Variants in GPHN observed in about 807,000 individuals in gnomAD.
The protein encoded by GPHN is gephyrin.
GPHN carries 17 observed loss-of-function variants against 95.5 expected under a neutral mutation model. The ratio of observed to expected loss-of-function variants is 0.18; its 90% CI spans 0.12 to 0.27. The LOEUF is 0.27. GPHN is among the 10% of genes least tolerant of loss of function. The pLI is 1.00. For missense variants in GPHN, 660 were observed against 978.1 expected (o/e 0.67, Z 4.34); for synonymous variants, 320 against 322.5 (o/e 0.99, Z 0.08).
Position 66,880,045 on chromosome 14 carries a change from A to G in GPHN, c.389+12A>G. 6.6e-7 allele frequency: 1 copy of G among 1,515,630 alleles called. No individual in the cohort carries two copies. Among genetic ancestry groups the G allele is most frequent in the Middle Eastern group, 1.7e-4 (1 of 5,864 alleles). The allele number at this position is 1,515,630 out of a possible 1,614,324, so 93.9% of individuals were successfully genotyped here. On this transcript the variant is annotated intron_variant, in intron 5 of 22. Coordinates refer to ENST00000478722, the MANE Select transcript of GPHN (RefSeq NM_020806.5). ...GGCATGCTCTCTAGGTAAGAAAGTC[A>G]CCAACATGTTGCAAACCATTTGCTA...
intron 4 of GPHN, among the ~76,000 whole-genome samples, chr14:66,862,829 C>T (rs1333003462): frequency 1.3e-5 from 2 of 152,020 alleles, no homozygotes; most frequent in African/African-American, 4.8e-5. Flanking sequence ...CATCCTTCAA[C>T]ATAATAAGAG....
chr14:67,242,050 A>G, the GPHN span: 1 of 152,224 alleles, frequency 6.6e-6, no homozygotes, highest in Admixed American at 6.5e-5. Flanking sequence ...GACCACTTTA[A>G]AAGAAAAGCC....
chr14:67,507,157 C>T, the GPHN span, among the ~76,000 whole-genome samples: 58 of 152,186 alleles, frequency 3.8e-4, 1 homozygote, highest in East Asian at 0.01. Flanking sequence ...GGGTTATACT[C>T]TCGCTAACAC....
the GPHN span, among the ~76,000 whole-genome samples, chr14:67,304,329 A>G: frequency 6.6e-6 from 1 of 152,354 alleles, no homozygotes; most frequent in East Asian, 1.9e-4. Flanking sequence ...ATATATTCAC[A>G]TAAGAATGTC....
In GPHN at chr14:66,856,731, G is replaced by C. The variant is rs145315388; in HGVS notation, c.295-23208G>C. Among the ~76,000 whole-genome samples, 916 of 152,104 alleles carry C rather than the reference G, an allele frequency of 6.0e-3. 30 individuals are homozygous for C. The highest frequency in any genetic ancestry group is 0.048 in the Admixed American group (735 of 15,274). On this transcript the variant is annotated intron_variant, in intron 4 of 22. Transcript: ENST00000478722. ...ATATTGAAATAATATGCAAAAACTT[G>C]ATACAGCATCAAGTTTTTTCTAAAT...
intron 1 of GPHN, among the ~76,000 whole-genome samples, chr14:66,557,954 A>G (rs2060074703): frequency 1.3e-5 from 2 of 152,156 alleles, no homozygotes; most frequent in Non-Finnish European, 1.5e-5. Context: ...CCCTGGCTGC[A>G]ATTTATAATA....
chr14:66,610,167 T>A (rs2062718373), intron 1 of GPHN, among the ~76,000 whole-genome samples: 4 of 152,168 alleles, frequency 2.6e-5, no homozygotes. Context: ...GTAGATTCTT[T>A]CCCTGGGTTT....
At chr14:67,680,616 G>A in the GPHN span, among the ~76,000 whole-genome samples, 2 of 152,060 alleles carry the variant, frequency 1.3e-5, no homozygotes, top group South Asian at 2.1e-4. Context: ...ACGCCACCAC[G>A]CCTGGCTAAT....
the GPHN span, among the ~76,000 whole-genome samples, chr14:67,597,818 G>A: frequency 1.3e-5 from 2 of 151,680 alleles, no homozygotes; most frequent in Non-Finnish European, 2.9e-5. Context: ...AAGGAAACAG[G>A]ATTTAATTGG....
At chr14:66,760,919 C>T (rs1401373351) in intron 2 of GPHN, 5 of 948,342 alleles carry the variant, frequency 5.3e-6, no homozygotes, top group Non-Finnish European at 8.1e-6. Context: ...AGCAAAACAT[C>T]CATCTTATCC....
At chr14:66,890,774 T>G (rs1338976865) in intron 5 of GPHN, among the ~76,000 whole-genome samples, 1 of 150,504 alleles carries the variant, frequency 6.6e-6, no homozygotes, top group African/African-American at 2.5e-5. Context: ...AATAAATCAT[T>G]GTAATATACC....
chr14:67,429,492 G>A, the GPHN span, among the ~76,000 whole-genome samples: 415 of 150,478 alleles, frequency 2.8e-3, 3 homozygotes, highest in African/African-American at 9.7e-3. Context: ...GCCTCCTAAA[G>A]TGGCTCATGG....
At chr14:66,539,039 A>G (rs569673685) in intron 1 of GPHN, among the ~76,000 whole-genome samples, 50 of 152,118 alleles carry the variant, frequency 3.3e-4, no homozygotes, top group Admixed American at 9.8e-4. Context: ...CTCCATTGAC[A>G]TACTCAGATT....
the GPHN span, chr14:67,294,490 A>G: frequency 6.6e-6 from 1 of 152,106 alleles, no homozygotes; most frequent in Non-Finnish European, 1.5e-5. Context: ...AAAAAAAAAA[A>G]CTCAAGAAAT....
chr14:67,065,868 G>GA (rs1228043021), intron 11 of GPHN, among the ~76,000 whole-genome samples: 1 of 150,574 alleles, frequency 6.6e-6, no homozygotes, highest in African/African-American at 2.5e-5. Context: ...ACAGCACATT[G>GA]ATGGGGCTTG....
intron 3 of GPHN, among the ~76,000 whole-genome samples, chr14:66,796,733 C>T (rs986907056): frequency 2.6e-5 from 4 of 151,856 alleles, no homozygotes; most frequent in Non-Finnish European, 5.9e-5. Context: ...ATCCCTTGTC[C>T]GATGGGTAGC....
At chr14:67,569,958 C>T in the GPHN span, 2 of 1,610,340 alleles carry the variant, frequency 1.2e-6, no homozygotes, top group South Asian at 1.1e-5. Flanking sequence ...CTGGGTCTTT[C>T]TCTGGCCTGG....
At chr14:67,498,556 G>A in the GPHN span, among the ~76,000 whole-genome samples, 1 of 152,182 alleles carries the variant, frequency 6.6e-6, no homozygotes, top group African/African-American at 2.4e-5. Flanking sequence ...TTCAGATAAT[G>A]TGCCCTAAAA....
chr14:66,570,126 T>TA (rs201233377), intron 1 of GPHN, among the ~76,000 whole-genome samples: 2,281 of 151,368 alleles, frequency 0.015, 22 homozygotes, highest in East Asian at 0.032. Flanking sequence ...GATATATATA[T>TA]TTTTTTTAAG....
Sources: allele counts gnomAD v4.1 joint callset (sites outside exome capture counted in the v4.1 genomes callset), GRCh38; gene constraint gnomAD v4.1.1; transcripts MANE v1.5; gene names NCBI Gene and HGNC (gene_info 2026-07-23, HGNC 2026-07-21).